The following LDAH variants were observed in gnomAD, a reference collection of about 807,000 sequenced individuals.
LDAH encodes the protein lipid droplet associated hydrolase, also known as lipid droplet-associated hydrolase.
A neutral mutation model predicts 29.6 loss-of-function variants in LDAH; 26 were observed. That is an observed-to-expected ratio of 0.88 (90% CI 0.64 to 1.22). The LOEUF is 1.22. LDAH is among the 50% of genes most tolerant of loss of function. The pLI is 0.00. For synonymous variants in LDAH, 117 were observed against 133.0 expected (o/e 0.88, Z 0.83); for missense variants, 344 against 387.3 (o/e 0.89, Z 0.94).
chr2:20,767,101 A>T (rs1669094425), intron 4 of LDAH, among the ~76,000 whole-genome samples: 1 of 152,078 alleles, frequency 6.6e-6, no homozygotes, highest in Admixed American at 6.5e-5. Flanking sequence ...CCACTGGGGG[A>T]GCTCATGGAG....
intron 1 of LDAH, among the ~76,000 whole-genome samples, chr2:20,821,192 G>A (rs2125181893): frequency 1.3e-5 from 2 of 152,350 alleles, no homozygotes; most frequent in East Asian, 3.9e-4. Context: ...CTCAACCATT[G>A]TGGAAGTCAG....
At chr2:20,687,635 C>T (rs1662664813) in intron 6 of LDAH, among the ~76,000 whole-genome samples, 1 of 152,182 alleles carries the variant, frequency 6.6e-6, no homozygotes, top group Non-Finnish European at 1.5e-5. Context: ...TCTATGCAGC[C>T]TGTATGTTGA....
intron 1 of LDAH, among the ~76,000 whole-genome samples, chr2:20,815,681 A>G (rs187401132): frequency 1.3e-5 from 2 of 152,202 alleles, no homozygotes; most frequent in African/African-American, 4.8e-5. Context: ...ATAGGACAAA[A>G]CCACCCTTCA....
chr2:20,820,453 T>C (rs1490375040), intron 1 of LDAH, among the ~76,000 whole-genome samples: 2 of 152,086 alleles, frequency 1.3e-5, no homozygotes, highest in African/African-American at 4.8e-5. Context: ...CCCTCAGAAA[T>C]AATACCACAC....
rs189484830 is a variant in LDAH at position 20,770,918 on chromosome 2, G to A, written c.468+3892C>T. 1.2e-3 allele frequency among the ~76,000 whole-genome samples: 182 copies of A among 152,264 alleles called. 2 individuals are homozygous for A. The highest frequency in any genetic ancestry group is 4.3e-3 in the African/African-American group (179 of 41,546). ...ATAAAATGAAAGATGGGGCCAGATT[G>A]TCTCTAAAGCCTATCTCAGTTCTAA... On this transcript the variant is annotated intron_variant, in intron 4 of 6. Transcript: ENST00000237822.
At chr2:20,760,052 A>G (rs62124018) in intron 4 of LDAH, among the ~76,000 whole-genome samples, 2,439 of 152,324 alleles carry the variant, frequency 0.016, 49 homozygotes, top group Non-Finnish European at 0.02. Context: ...TACATCAAAT[A>G]ATCACCAGGC....
chr2:20,732,622 A>G (rs1484151133), intron 5 of LDAH, among the ~76,000 whole-genome samples: 1 of 152,250 alleles, frequency 6.6e-6, no homozygotes, highest in African/African-American at 2.4e-5. Flanking sequence ...TAGTGTGTCC[A>G]CATTTGAAGA....
rs1671774115 is a variant in LDAH, at chr2:20,802,435, A to G, written c.-2-970T>C. Among the ~76,000 whole-genome samples, 14 of 152,304 alleles carry G rather than the reference A, an allele frequency of 9.2e-5. No homozygotes were observed. In the South Asian group the frequency reaches 2.9e-3, roughly 32 times the overall value. On this transcript the variant is annotated intron_variant, in intron 1 of 6. Coordinates refer to ENST00000237822, the MANE Select transcript of LDAH (RefSeq NM_021925.4). ...ATAGGTGGGAAAAAACCCAGGATAT[A>G]CTATCATGAACCATTTCCTGAGTAA...
chr2:20,706,421 C>T (rs569890751), intron 5 of LDAH, among the ~76,000 whole-genome samples: 24 of 152,282 alleles, frequency 1.6e-4, no homozygotes, highest in African/African-American at 5.8e-4. Flanking sequence ...CATCCTCAGC[C>T]ATTTTGTTCA....
At chr2:20,736,945 T>G (rs1050444526) in intron 5 of LDAH, among the ~76,000 whole-genome samples, 1 of 152,228 alleles carries the variant, frequency 6.6e-6, no homozygotes, top group Non-Finnish European at 1.5e-5. Flanking sequence ...ATTTATACAT[T>G]TTTCTTGTTA....
intron 3 of LDAH, among the ~76,000 whole-genome samples, chr2:20,783,771 G>C (rs964891509): frequency 6.6e-6 from 1 of 152,172 alleles, no homozygotes; most frequent in Non-Finnish European, 1.5e-5. Context: ...GAGTGCAGTG[G>C]CATGATCTCG....
chr2:20,725,184 G>C (rs1490952783), intron 5 of LDAH, among the ~76,000 whole-genome samples: 2 of 152,172 alleles, frequency 1.3e-5, no homozygotes, highest in African/African-American at 2.4e-5. Flanking sequence ...AGGTTTGACA[G>C]GTTAGGAAAA....
intron 5 of LDAH, among the ~76,000 whole-genome samples, chr2:20,729,242 C>T (rs1666232543): frequency 6.6e-6 from 1 of 152,144 alleles, no homozygotes; most frequent in Non-Finnish European, 1.5e-5. Context: ...TTGGAGCCTA[C>T]TTCTCCTGAA....
In LDAH at chr2:20,688,823, G is replaced by T. The variant is rs377530824; in HGVS notation, c.787-1729C>A. Among the ~76,000 whole-genome samples, 404 of 132,696 alleles carry T rather than the reference G, an allele frequency of 3.0e-3. 2 individuals carry two copies. Among genetic ancestry groups the T allele is most frequent in the African/African-American group, 0.011 (370 of 35,234 alleles). The allele number at this position is 132,696 out of a possible 152,430, so 87.1% of individuals were successfully genotyped here. On this transcript the variant is annotated intron_variant, in intron 6 of 6. Transcript: ENST00000237822. ...ACTTACTCTGAATTGCTTCATGGAG[G>T]TTTCCTTTTTTTTTTTTTTTTTTTT...
chr2:20,721,136 A>C (rs1665619289), intron 5 of LDAH, among the ~76,000 whole-genome samples: 1 of 152,178 alleles, frequency 6.6e-6, no homozygotes, highest in South Asian at 2.1e-4. Flanking sequence ...ATGGGATTAC[A>C]CCAAGCTAAA....
intron 4 of LDAH, among the ~76,000 whole-genome samples, chr2:20,756,255 G>A (rs538211447): frequency 3.3e-5 from 5 of 152,046 alleles, no homozygotes; most frequent in Admixed American, 6.5e-5. Context: ...GGCTGGTCTC[G>A]AACTCCTGAC....
chr2:20,720,165 C>T (rs1458503570), intron 5 of LDAH, among the ~76,000 whole-genome samples: 1 of 151,982 alleles, frequency 6.6e-6, no homozygotes, highest in African/African-American at 2.4e-5. Flanking sequence ...AGGAAGAAGT[C>T]AAATTAACCT....
intron 1 of LDAH, among the ~76,000 whole-genome samples, chr2:20,813,358 T>C (rs1263397597): frequency 6.6e-6 from 1 of 152,222 alleles, no homozygotes; most frequent in Non-Finnish European, 1.5e-5. Context: ...ATATTATATA[T>C]ACTTCTATGC....
chr2:20,685,299 G>C lies in LDAH; in HGVS notation c.*1604C>G, dbSNP rs895881643. The C allele has an allele frequency of 1.5e-5, 8 of 527,552 alleles. No individual in the cohort carries two copies. Among genetic ancestry groups the C allele is most frequent in the Non-Finnish European group, 2.3e-5 (7 of 305,058 alleles). The allele number at this position is 527,552 out of a possible 1,614,324, so 32.7% of individuals were successfully genotyped here. ...TTACATGCCTTGATTTAGTATCAGT[G>C]AGTATCTCCTGTATGCAAGGCGCTC... is the stretch of plus-strand genomic sequence containing the variant. On this transcript the variant is annotated 3_prime_UTR_variant, in exon 7 of 7. Coordinates refer to ENST00000237822, the MANE Select transcript of LDAH (RefSeq NM_021925.4).
Sources: gnomAD v4.1 joint callset for allele counts (sites outside exome capture counted in the v4.1 genomes callset) on GRCh38, gnomAD v4.1.1 for gene constraint, MANE v1.5 for transcripts, NCBI Gene and HGNC (gene_info 2026-07-23, HGNC 2026-07-21) for gene names.